Variants in ZNF276 observed in about 807,000 individuals in gnomAD.
The protein encoded by ZNF276 is zinc finger protein 276.
Under a neutral mutation model 63.9 loss-of-function variants are expected in ZNF276, and 59 were observed. The observed-to-expected ratio is 0.92, with a 90% CI of 0.75 to 1.15. The LOEUF is 1.15. ZNF276 is among the 50% of genes most tolerant of loss of function. ZNF276 has a pLI of 0.00. For synonymous variants in ZNF276, 496 were observed against 348.4 expected, an observed-to-expected ratio of 1.42 and a Z score of -4.72; for missense variants, 1,084 against 843.8, an observed-to-expected ratio of 1.28 and a Z score of -3.53.
At chr16:89,733,140 G>C (rs1226383490) in intron 6 of ZNF276, 162 bp from the exon 7 acceptor site, 2 of 684,222 alleles carry the variant, frequency 2.9e-6, no homozygotes, top group African/African-American at 1.8e-5. Flanking sequence ...CCTGTCCAGA[G>C]TTGCTCTGGC....
intron 1 of ZNF276, 75 bp from the exon 2 acceptor site, chr16:89,722,456 G>T: frequency 1.3e-6 from 2 of 1,495,814 alleles, no homozygotes; most frequent in Non-Finnish European, 1.8e-6. Flanking sequence ...GCTGCCCTCG[G>T]ACCTGGAGTC....
At chr16:89,734,090 CCTG>C (rs775910455) in intron 9 of ZNF276, 52 bp downstream of exon 9, 1 of 1,559,846 alleles carries the variant, frequency 6.4e-7, no homozygotes, top group South Asian at 1.1e-5. Context: ...GGGCACGTGA[CCTG>C]CTTTCCAGTC....
chr16:89,730,672 C>G (rs1327578266), intron 6 of ZNF276, among the ~76,000 whole-genome samples: 1 of 152,196 alleles, frequency 6.6e-6, no homozygotes, highest in East Asian at 1.9e-4. Flanking sequence ...AACCGCTGCG[C>G]AGGAGGCAGG....
In ZNF276 at chr16:89,723,200, T is replaced by C. The variant is rs2061361599; in HGVS notation, c.556+17T>C. ...CGTGTCTGGGTGAGTCCTCCCCCGG[T>C]GGAGGGTGGGCTGGGTGCCGACCAG... On this transcript the variant is annotated intron_variant, in intron 3 of 10. Coordinates refer to ENST00000443381, the MANE Select transcript of ZNF276 (RefSeq NM_001113525.2). 6.2e-7 allele frequency: 1 copy of C among 1,612,874 alleles called. No homozygotes were observed. Among genetic ancestry groups the C allele is most frequent in the East Asian group, 2.2e-5 (1 of 44,868 alleles).
intron 2 of ZNF276, 118 bp downstream of exon 2, chr16:89,722,952 C>G (rs534862463): frequency 2.1e-4 from 319 of 1,555,758 alleles, no homozygotes; most frequent in Middle Eastern, 1.7e-3. Flanking sequence ...ATGGGCCATG[C>G]CCGGGTTCAG....
intron 4 of ZNF276, among the ~76,000 whole-genome samples, chr16:89,724,398 G>A (rs527946000): frequency 2.0e-5 from 3 of 152,330 alleles, no homozygotes; most frequent in Admixed American, 6.5e-5. Flanking sequence ...TGTAATCCCA[G>A]CACTTTGGGA....
At chr16:89,720,619 CGCCCGGGAACCGCG>C (rs755646618), upstream of ZNF276, 765 of 1,222,748 alleles carry the variant, frequency 6.3e-4, 2 homozygotes, top group Non-Finnish European at 6.0e-4. Flanking sequence ...CCCCCGTCCT[CGCCCGGGAACCGCG>C]GCCCGGGATC....
intron 4 of ZNF276, among the ~76,000 whole-genome samples, chr16:89,724,536 A>G (rs993997434): frequency 2.0e-5 from 3 of 152,054 alleles, no homozygotes; most frequent in African/African-American, 4.8e-5. Flanking sequence ...AATCCCAGCT[A>G]CTCTGGAGGC....
chr16:89,720,763 C>G, upstream of ZNF276: 2 of 1,449,938 alleles, frequency 1.4e-6, no homozygotes, highest in Non-Finnish European at 1.8e-6. Flanking sequence ...CCCGCCTCAC[C>G]CGGGGCCGGT....
rs1332801857 is a variant in ZNF276 at position 89,738,772 on chromosome 16, G to T, written c.*526G>T. ...CTAGGCCTCAGACCACAGGGGAGGG[G>T]CTCTGGCAGAAATAGTCGAGTTGTA... On this transcript the variant is annotated 3_prime_UTR_variant, in exon 11 of 11. Coordinates refer to ENST00000443381, the MANE Select transcript of ZNF276 (RefSeq NM_001113525.2). 6 of 1,612,292 alleles carry T rather than the reference G, an allele frequency of 3.7e-6. No homozygotes were observed. The highest frequency in any genetic ancestry group is 1.7e-5 in the Admixed American group (1 of 59,616).
chr16:89,731,124 C>G (rs1164809067), intron 6 of ZNF276, among the ~76,000 whole-genome samples: 1 of 152,238 alleles, frequency 6.6e-6, no homozygotes, highest in Non-Finnish European at 1.5e-5. Context: ...CAGCCACTCA[C>G]AAACAAGGGG....
rs1412049147 is a variant in ZNF276 at position 89,733,950 on chromosome 16, C to T, written c.1386C>T (p.Val462=). The T allele has an allele frequency of 6.2e-6, 10 of 1,613,996 alleles. No individual in the cohort carries two copies. The Middle Eastern group carries it at 6.6e-4, about 107-fold the overall frequency. The part of the protein sequence containing the change: ...KKHIKEHHEE[V]RERPCPHPGC... ...ACATCAAGGAGCACCACGAGGAGGT[C>T]CGGGAGCGGCCCTGCCCCCACCCTG... The change falls in exon 9 of 11, where the codon GTC becomes GTT. Residue 462 remains valine (V), a synonymous_variant. Coordinates refer to ENST00000443381, the MANE Select transcript of ZNF276 (RefSeq NM_001113525.2).
Position 89,733,790 on chromosome 16 carries a change from AAGG to A in ZNF276, c.1357-128_1357-126del, listed in dbSNP as rs1398515913. 5 of 925,096 alleles carry A rather than the reference AAGG, an allele frequency of 5.4e-6. No homozygotes were observed. The African/African-American group carries it at 8.3e-5, about 15-fold the overall frequency. 57.3% of individuals were successfully genotyped at this position (925,096 alleles called of 1,614,324 possible). A position where few individuals can be genotyped will look rare whatever the true frequency, so the allele number is the denominator to read the frequency against. Reference sequence around the variant, plus strand: ...AGAAGTTTCTTGGAGTGAAGCTGTGAAGGAGCCAGTGGTGTCGCTGGAGGAGGA... The same window carrying A: ...AGAAGTTTCTTGGAGTGAAGCTGTGAAGCCAGTGGTGTCGCTGGAGGAGGA... On this transcript the variant is annotated intron_variant, in intron 8 of 10. Coordinates refer to ENST00000443381, the MANE Select transcript of ZNF276 (RefSeq NM_001113525.2).
At chr16:89,733,249 A>G (rs1191723685) in intron 6 of ZNF276, 53 bp from the exon 7 acceptor site, 1 of 1,534,238 alleles carries the variant, frequency 6.5e-7, no homozygotes, top group African/African-American at 1.4e-5. Context: ...GACAAAAAAC[A>G]TTTTGCAAAT....
In ZNF276 at chr16:89,738,069, T is replaced by G; in HGVS notation, c.1668T>G (p.Cys556Trp). The G allele has an allele frequency of 6.2e-7, 1 of 1,614,132 alleles. No homozygotes were observed. The change falls in exon 11 of 11, where the codon TGT becomes TGG. Residue 556 changes from cysteine (C) to tryptophan (W), a missense_variant. Transcript: ENST00000443381. ...HKAETELDFA[C>W]DQCGRRFEKA... ...CTGAGACTGAGCTGGACTTTGCCTGTGACCAGTGTGGCCGGCGGTTTGAGA... is the reference window on the plus strand; with the variant it reads ...CTGAGACTGAGCTGGACTTTGCCTGGGACCAGTGTGGCCGGCGGTTTGAGA...
At chr16:89,721,461 C>T (rs537369471), upstream of ZNF276, 18 of 536,324 alleles carry the variant, frequency 3.4e-5, no homozygotes, top group East Asian at 2.6e-4. Flanking sequence ...GGTGGAACCT[C>T]GGCCGGCGGG....
intron 9 of ZNF276, among the ~76,000 whole-genome samples, chr16:89,734,866 A>C (rs757155631): frequency 6.6e-5 from 10 of 152,202 alleles, no homozygotes; most frequent in Non-Finnish European, 1.0e-4. Context: ...TGTTTTCAAA[A>C]TGACAAACTT....
rs558672797 is a variant in ZNF276 at position 89,738,957 on chromosome 16, C to G, written c.*711C>G. On this transcript the variant is annotated 3_prime_UTR_variant, in exon 11 of 11. Transcript: ENST00000443381. Reference sequence around the variant, plus strand: ...GCAGAAAAAGACGAGCTTTTGTTATCAGTTCCACGGGGTTGCCCTAGAGAG... The same window carrying G: ...GCAGAAAAAGACGAGCTTTTGTTATGAGTTCCACGGGGTTGCCCTAGAGAG... 6.2e-7 allele frequency: 1 copy of G among 1,614,250 alleles called. No individual in the cohort carries two copies. The highest frequency in any genetic ancestry group is 1.3e-5 in the African/African-American group (1 of 75,074).
chr16:89,740,083 G>C lies in ZNF276; in HGVS notation c.*1837G>C, dbSNP rs370949960. 6.2e-7 allele frequency: 1 copy of C among 1,614,176 alleles called. No individual in the cohort carries two copies. The highest frequency in any genetic ancestry group is 8.5e-7 in the Non-Finnish European group (1 of 1,180,030). On this transcript the variant is annotated 3_prime_UTR_variant, in exon 11 of 11. Coordinates refer to ENST00000443381, the MANE Select transcript of ZNF276 (RefSeq NM_001113525.2). ...TGCTGCACAAACGTGGAAAGCCTTT[G>C]GCAGGTCTGTGGTGCTCTGTAAACC...
Sources: gnomAD v4.1 joint callset for allele counts (sites outside exome capture counted in the v4.1 genomes callset) on GRCh38, gnomAD v4.1.1 for gene constraint, MANE v1.5 for transcripts, NCBI Gene and HGNC (gene_info 2026-07-23, HGNC 2026-07-21) for gene names.